Variants in SPIN1 observed in about 807,000 individuals in gnomAD.
The protein encoded by SPIN1 is spindlin-1.
In SPIN1, 3 loss-of-function variants were observed where a neutral mutation model predicts 26.0. That is an observed-to-expected ratio of 0.12 (90% CI 0.05 to 0.30). The LOEUF (loss-of-function observed/expected upper bound fraction) is 0.30. SPIN1 is among the 10% of genes least tolerant of loss of function. SPIN1 has a pLI of 1.00. For synonymous variants in SPIN1, 101 were observed against 116.5 expected, an observed-to-expected ratio of 0.87 and a Z score of 0.86; for missense variants, 126 against 333.4, an observed-to-expected ratio of 0.38 and a Z score of 4.84.
At chr9:88,463,350 G>T (rs1779966114) in intron 4 of SPIN1, among the ~76,000 whole-genome samples, 1 of 152,050 alleles carries the variant, frequency 6.6e-6, no homozygotes, top group South Asian at 2.1e-4. Flanking sequence ...TTATTAGTAG[G>T]GTGGGATACA....
chr9:88,455,705 C>G (rs1828456795), intron 3 of SPIN1, among the ~76,000 whole-genome samples: 1 of 152,120 alleles, frequency 6.6e-6, no homozygotes, highest in African/African-American at 2.4e-5. Context: ...AGACTGGGTA[C>G]AGTGGTTCAT....
chr9:88,446,688 G>A lies in SPIN1; in HGVS notation c.53-2253G>A, dbSNP rs538646971. Among the ~76,000 whole-genome samples, 91 of 152,250 alleles carry A rather than the reference G, an allele frequency of 6.0e-4. 1 individual carries two copies. In the Middle Eastern group the frequency reaches 0.014, roughly 23 times the overall value. ...CTCCCAAAGTGCTGGGATTACAGGC[G>A]TGAGCCACTGCGCCAGCCCGGCTTG... On this transcript the variant is annotated intron_variant, in intron 2 of 5. Transcript: ENST00000375859.
chr9:88,450,517 A>T (rs1828334785), intron 3 of SPIN1, among the ~76,000 whole-genome samples: 1 of 152,192 alleles, frequency 6.6e-6, no homozygotes, highest in Non-Finnish European at 1.5e-5. Context: ...ATAAGATTCC[A>T]TCTGCCTCAT....
chr9:88,465,072 G>A (rs978901586), intron 4 of SPIN1, among the ~76,000 whole-genome samples: 2 of 152,138 alleles, frequency 1.3e-5, no homozygotes, highest in Non-Finnish European at 2.9e-5. Flanking sequence ...ATGTTGTAAC[G>A]TGTGACAGGA....
chr9:88,455,690 T>C (rs1017977798), intron 3 of SPIN1, among the ~76,000 whole-genome samples: 105 of 152,304 alleles, frequency 6.9e-4, no homozygotes, highest in African/African-American at 2.4e-3. Flanking sequence ...AATAAAAAGT[T>C]TTTAAGACTG....
Position 88,476,379 on chromosome 9 carries a change from ATG to A in SPIN1, c.*1104_*1105del. The A allele has an allele frequency of 6.6e-6, 1 of 152,272 alleles. No homozygotes were observed. The highest frequency in any genetic ancestry group is 3.4e-3 in the Middle Eastern group (1 of 292). The allele number at this position is 152,272 out of a possible 1,614,324, so 9.4% of individuals were successfully genotyped here. The stretch of plus-strand genomic sequence containing the variant: ...TAAAGTTTTATTACTATTATTGCTA[ATG>A]TATGATTATGGTCAGAGACTTTCAA... On this transcript the variant is annotated 3_prime_UTR_variant, in exon 6 of 6. Transcript: ENST00000375859.
chr9:88,389,129 C>G (rs986711649), intron 1 of SPIN1, among the ~76,000 whole-genome samples: 2 of 152,160 alleles, frequency 1.3e-5, no homozygotes, highest in Non-Finnish European at 2.9e-5. Context: ...GTTGCAGGCT[C>G]CGCGGTTCGC....
At chr9:88,437,510 AAAG>A (rs1357689998) in intron 2 of SPIN1, among the ~76,000 whole-genome samples, 23 of 144,826 alleles carry the variant, frequency 1.6e-4, no homozygotes, top group Non-Finnish European at 2.7e-4. Context: ...GAAAAAAAAA[AAAG>A]AAGGAAAGAA....
chr9:88,454,115 T>C (rs1037295300), intron 3 of SPIN1, among the ~76,000 whole-genome samples: 1 of 152,196 alleles, frequency 6.6e-6, no homozygotes, highest in Non-Finnish European at 1.5e-5. Context: ...CATTTCAAGA[T>C]GTCCTAGGTT....
intron 1 of SPIN1, among the ~76,000 whole-genome samples, chr9:88,404,426 T>G (rs771317462): frequency 2.6e-5 from 4 of 152,222 alleles, no homozygotes; most frequent in Non-Finnish European, 5.9e-5. Flanking sequence ...TTCTTGCATC[T>G]GTATTAGAAA....
At chr9:88,462,297 C>T (rs903029014) in intron 3 of SPIN1, among the ~76,000 whole-genome samples, 199 bp from the exon 4 acceptor site, 4 of 152,134 alleles carry the variant, frequency 2.6e-5, no homozygotes, top group Non-Finnish European at 5.9e-5. Context: ...ACTAACATAC[C>T]ATGTTACACA....
At chr9:88,436,752 G>GTT in intron 2 of SPIN1, among the ~76,000 whole-genome samples, 1 of 122,856 alleles carries the variant, frequency 8.1e-6, no homozygotes, top group Non-Finnish European at 1.7e-5. Context: ...TTTCCTCTGT[G>GTT]TCTTTTTTTT....
At chr9:88,407,990 C>T (rs575879442) in intron 1 of SPIN1, among the ~76,000 whole-genome samples, 138 of 152,086 alleles carry the variant, frequency 9.1e-4, no homozygotes, top group African/African-American at 3.3e-3. Context: ...TGGTCTTGAA[C>T]TCCTGGGCTC....
intron 1 of SPIN1, chr9:88,389,268 C>A (rs1212488957): frequency 6.6e-6 from 1 of 152,226 alleles, no homozygotes; most frequent in African/African-American, 2.4e-5. Flanking sequence ...AGGCACTTTT[C>A]CTCTCCATCG....
At chr9:88,401,873 T>C (rs1827194047) in intron 1 of SPIN1, among the ~76,000 whole-genome samples, 1 of 152,256 alleles carries the variant, frequency 6.6e-6, no homozygotes, top group South Asian at 2.1e-4. Flanking sequence ...TAACAATCTT[T>C]TCCTTTTATT....
At chr9:88,444,351 C>A (rs1482975709) in intron 2 of SPIN1, among the ~76,000 whole-genome samples, 1 of 150,838 alleles carries the variant, frequency 6.6e-6, no homozygotes, top group Non-Finnish European at 1.5e-5. Flanking sequence ...TGCCATTCTC[C>A]TGCCTCAGCC....
intron 1 of SPIN1, among the ~76,000 whole-genome samples, chr9:88,394,380 A>G (rs1204305507): frequency 6.6e-6 from 1 of 152,178 alleles, no homozygotes; most frequent in Non-Finnish European, 1.5e-5. Context: ...TTAGATACAG[A>G]AATCTGGGTG....
At chr9:88,445,980 ATTTTCT>A (rs911629036) in intron 2 of SPIN1, among the ~76,000 whole-genome samples, 3 of 151,004 alleles carry the variant, frequency 2.0e-5, no homozygotes, top group Non-Finnish European at 3.0e-5. Flanking sequence ...ATTCCTTTTG[ATTTTCT>A]TTTTTTAATT....
intron 1 of SPIN1, among the ~76,000 whole-genome samples, chr9:88,402,399 AG>A (rs1249719598): frequency 1.3e-5 from 2 of 152,186 alleles, no homozygotes; most frequent in Non-Finnish European, 2.9e-5. Context: ...ACTCTGCTAG[AG>A]AACATTAGAA....
Sources: allele counts gnomAD v4.1 joint callset (sites outside exome capture counted in the v4.1 genomes callset), GRCh38; gene constraint gnomAD v4.1.1; transcripts MANE v1.5; gene names NCBI Gene and HGNC (gene_info 2026-07-23, HGNC 2026-07-21).